The following NCF1 variants were observed in gnomAD, a reference collection of about 807,000 sequenced individuals.
NCF1 encodes neutrophil cytosol factor 1.
In NCF1, 8 loss-of-function variants were observed where a neutral mutation model predicts 34.9. The observed-to-expected ratio is 0.23, with a 90% CI of 0.13 to 0.41. The LOEUF (loss-of-function observed/expected upper bound fraction) is 0.41, where lower values mean the gene tolerates loss of function less well. NCF1 is among the 10% of genes least tolerant of loss of function. NCF1 has a pLI of 1.00. For missense variants in NCF1, 122 were observed against 362.4 expected, an observed-to-expected ratio of 0.34 and a Z score of 5.39; for synonymous variants, 57 against 146.3, an observed-to-expected ratio of 0.39 and a Z score of 4.41.
chr7:74,778,422 A>C (rs1554413288), intron 2 of NCF1: 1 of 444,614 alleles, frequency 2.2e-6, no homozygotes, highest in Admixed American at 2.4e-5. Context: ...GCACCTGGTC[A>C]ACCTGAGTTT....
At chr7:74,787,389 G>A (rs1374222906) in intron 8 of NCF1, among the ~76,000 whole-genome samples, 3 of 152,110 alleles carry the variant, frequency 2.0e-5, no homozygotes, top group Admixed American at 6.6e-5. Flanking sequence ...GCAATGAGTC[G>A]ACATCATGCC....
chr7:74,788,918 A>C, intron 10 of NCF1, 121 bp from the exon 11 acceptor site: 2 of 525,812 alleles, frequency 3.8e-6, no homozygotes, highest in Non-Finnish European at 6.6e-6. Context: ...CACAAGCGGG[A>C]GGCGAGGCCA....
At chr7:74,783,151 C>T in intron 6 of NCF1, 90 bp downstream of exon 6, 1 of 1,575,264 alleles carries the variant, frequency 6.3e-7, no homozygotes, top group Non-Finnish European at 8.6e-7. Context: ...CAGCCTTGCC[C>T]CTGGGAGGAC....
At chr7:74,778,480 G>C (rs1796515514) in intron 2 of NCF1, 1 of 388,626 alleles carries the variant, frequency 2.6e-6, no homozygotes, top group South Asian at 1.8e-5. Context: ...AAGAGTGGAC[G>C]GGGGACACAA....
At chr7:74,782,591 C>G (rs1413679735) in intron 5 of NCF1, among the ~76,000 whole-genome samples, 1 of 151,020 alleles carries the variant, frequency 6.6e-6, no homozygotes, top group Non-Finnish European at 1.5e-5. Flanking sequence ...AAAAAATTAG[C>G]CGGGTGTGGT....
rs1480655176 is a variant in NCF1, at chr7:74,783,282, C to G, written c.574+221C>G. ...GGCAGGCCGGGGCGGGGCATGTCTG[C>G]GTGTTCTGTCTGGATGGGTATGGGA... On this transcript the variant is annotated intron_variant, in intron 6 of 10. Transcript: ENST00000289473. The G allele has an allele frequency of 1.3e-4, 106 of 787,398 alleles. 2 individuals are homozygous for G. The East Asian group carries it at 2.9e-3, about 21-fold the overall frequency. The allele number at this position is 787,398 out of a possible 1,614,324, so 48.8% of individuals were successfully genotyped here.
Position 74,783,520 on chromosome 7 carries a change from C to T in NCF1, c.575-5C>T, listed in dbSNP as rs1273233655. ...CTCAGTCACATTCCCGCACCTCTGGCACAGGTTGGTGGTTCTGTCAGATGA... is the reference window on the plus strand; with the variant it reads ...CTCAGTCACATTCCCGCACCTCTGGTACAGGTTGGTGGTTCTGTCAGATGA... On this transcript the variant is annotated splice_polypyrimidine_tract_variant and splice_region_variant and intron_variant, in intron 6 of 10. Transcript: ENST00000289473. 5.6e-6 allele frequency: 9 copies of T among 1,611,286 alleles called. No homozygotes were observed. The highest frequency in any genetic ancestry group is 5.9e-6 in the Non-Finnish European group (7 of 1,179,634).
intron 7 of NCF1, among the ~76,000 whole-genome samples, chr7:74,783,847 G>A (rs1319123702): frequency 4.6e-5 from 7 of 152,258 alleles, no homozygotes; most frequent in Non-Finnish European, 2.9e-5. Context: ...ACTGGGGAGA[G>A]TGGGAGGCCA....
At position 74,788,628 on chromosome 7, in the gene NCF1, C is replaced by T. The variant is rs1584376746; in HGVS notation, c.975C>T (p.Arg325=). The T allele has an allele frequency of 2.6e-6, 4 of 1,553,538 alleles. No homozygotes were observed. In the East Asian group the frequency reaches 7.2e-5, roughly 28 times the overall value. ...AGCGCCTCAGCCAGGACGCCTATCG[C>T]CGCAACAGCGTCCGTTTTCTGCAGC... ...SRKRLSQDAY[R]RNSVRFLQQR... The change falls in exon 10 of 11, where the codon CGC becomes CGT. Residue 325 remains arginine (R), a synonymous_variant. Coordinates refer to ENST00000289473, the MANE Select transcript of NCF1 (RefSeq NM_000265.7).
chr7:74,775,921 G>T (rs1276503440), intron 1 of NCF1, among the ~76,000 whole-genome samples: 2 of 143,180 alleles, frequency 1.4e-5, no homozygotes, highest in African/African-American at 5.2e-5. Context: ...TAGAGACAGG[G>T]TTTTGCCATA....
At chr7:74,777,562 C>T in intron 2 of NCF1, 1 of 540,472 alleles carries the variant, frequency 1.9e-6, no homozygotes, top group Non-Finnish European at 3.3e-6. Flanking sequence ...AGGCATGAGC[C>T]CCCACGCTCG....
intron 6 of NCF1, 80 bp downstream of exon 6, chr7:74,783,141 C>T (rs1340353595): frequency 1.3e-6 from 2 of 1,578,442 alleles, no homozygotes; most frequent in African/African-American, 1.4e-5. Context: ...AAGGCTCAGG[C>T]AGCCTTGCCC....
chr7:74,786,314 C>CT (rs1281079372), intron 8 of NCF1, among the ~76,000 whole-genome samples: 6 of 121,366 alleles, frequency 4.9e-5, no homozygotes, highest in African/African-American at 1.2e-4. Flanking sequence ...TACTAATTAT[C>CT]TTTTTTCTGG....
chr7:74,783,045 A>G lies in NCF1; in HGVS notation c.558A>G (p.Val186=), dbSNP rs782767164. 1.1e-3 allele frequency: 1,760 copies of G among 1,607,520 alleles called. 20 individuals are homozygous for G. The African/African-American group carries it at 0.012, about 11-fold the overall frequency. The part of the protein sequence containing the change: ...ALSTGDVVEV[V]EKSESGWWFC... Reference sequence around the variant, plus strand: ...CCACGGGGGACGTGGTGGAGGTCGTAGAGAAGAGCGAGAGCGGTCAGACCT... The same window carrying G: ...CCACGGGGGACGTGGTGGAGGTCGTGGAGAAGAGCGAGAGCGGTCAGACCT... Residue 186 remains valine (V), a synonymous_variant, in exon 6 of 11, where the codon GTA becomes GTG. Transcript: ENST00000289473.
At chr7:74,783,883 G>T (rs1304885519) in intron 7 of NCF1, among the ~76,000 whole-genome samples, 3 of 151,902 alleles carry the variant, frequency 2.0e-5, no homozygotes. Flanking sequence ...ATGTGGCCAG[G>T]TTCAGTGGGA....
In NCF1 at chr7:74,783,569, G is replaced by A. The variant is rs372741570; in HGVS notation, c.619G>A (p.Ala207Thr). ...QMKAKRGWIPASFLEPLDSPD... is the reference protein window; with the variant it reads ...QMKAKRGWIPTSFLEPLDSPD... ...GAAAGCAAAGCGAGGCTGGATCCCA[G>A]CGTCCTTCCTCGAGCCCCTGGACAG... Residue 207 changes from alanine (A) to threonine (T), a missense_variant, in exon 7 of 11, where the codon GCG (alanine) becomes ACG (threonine). By Grantham distance (58) the Ala-to-Thr change is moderately conservative (BLOSUM62 0). Transcript: ENST00000289473. The A allele has an allele frequency of 6.2e-7, 1 of 1,611,926 alleles. No individual in the cohort carries two copies. The highest frequency in any genetic ancestry group is 1.7e-5 in the Admixed American group (1 of 59,990).
intron 8 of NCF1, among the ~76,000 whole-genome samples, chr7:74,786,970 A>C (rs1330363967): frequency 1.4e-5 from 2 of 146,934 alleles, no homozygotes; most frequent in African/African-American, 5.0e-5. Context: ...TCCCAAATAT[A>C]ATATTGAGAA....
chr7:74,783,222 T>C (rs1355796163), intron 6 of NCF1, 161 bp downstream of exon 6: 7 of 1,404,616 alleles, frequency 5.0e-6, no homozygotes, highest in Non-Finnish European at 6.9e-6. Context: ...TCTGTCTTAG[T>C]GTGCACCCTG....
intron 7 of NCF1, among the ~76,000 whole-genome samples, chr7:74,783,865 C>T (rs1407484274): frequency 1.3e-5 from 2 of 151,888 alleles, no homozygotes; most frequent in Non-Finnish European, 2.9e-5. Flanking sequence ...CCAGTGGTGT[C>T]TGTGGATATG....
Sources: allele counts gnomAD v4.1 joint callset (sites outside exome capture counted in the v4.1 genomes callset), GRCh38; gene constraint gnomAD v4.1.1; transcripts MANE v1.5; gene names NCBI Gene and HGNC (gene_info 2026-07-23, HGNC 2026-07-21).